Variants in PAK5 observed in about 807,000 individuals in gnomAD.
The protein encoded by PAK5 is p21 (RAC1) activated kinase 5.
Under a neutral mutation model 65.9 loss-of-function variants are expected in PAK5, and 16 were observed. The ratio of observed to expected loss-of-function variants is 0.24; its 90% CI spans 0.16 to 0.37. PAK5 has a LOEUF of 0.37. Ranked by LOEUF, PAK5 falls within the 10% of genes least tolerant of loss-of-function variation. PAK5 has a pLI of 1.00. For missense variants in PAK5, 785 were observed against 903.9 expected (o/e 0.87, Z 1.69); for synonymous variants, 371 against 354.9 (o/e 1.05, Z -0.51).
intron 6 of PAK5, among the ~76,000 whole-genome samples, chr20:9,559,994 C>T (rs185831895): frequency 1.5e-4 from 23 of 152,308 alleles, no homozygotes; most frequent in Middle Eastern, 3.4e-3. Flanking sequence ...CATATACCTT[C>T]AAATTAATTC....
intron 1 of PAK5, among the ~76,000 whole-genome samples, chr20:9,827,892 C>T (rs558934031): frequency 4.6e-5 from 7 of 152,256 alleles, no homozygotes; most frequent in Admixed American, 1.3e-4. Context: ...AGTGCAGTGG[C>T]GTGATCTCAG....
Position 9,580,572 on chromosome 20 carries a change from A to T in PAK5, c.563T>A (p.Leu188Ter). The T allele has an allele frequency of 6.2e-7, 1 of 1,614,172 alleles. No individual in the cohort carries two copies. The highest frequency in any genetic ancestry group is 8.5e-7 in the Non-Finnish European group (1 of 1,180,038). Reference sequence around the variant, plus strand: ...AGAAAATCTGGCAAAATCGGATTTCAAAGGCTTCACCTCAGAATAGTAGGC... The same window carrying T: ...AGAAAATCTGGCAAAATCGGATTTCTAAGGCTTCACCTCAGAATAGTAGGC... ...GEAYYSEVKPLKSDFARFSAD... is the reference protein window; with the variant it reads ...GEAYYSEVKP The change falls in exon 4 of 10, where the codon TTG becomes TAG. Residue 188 changes from leucine (L) to a stop codon, truncating the protein, a stop_gained. Coordinates refer to ENST00000353224, the MANE Select transcript of PAK5 (RefSeq NM_177990.4). LOFTEE classifies it high-confidence loss of function.
At chr20:9,571,861 TA>T (rs1244947347) in intron 4 of PAK5, among the ~76,000 whole-genome samples, 2 of 94,192 alleles carry the variant, frequency 2.1e-5, no homozygotes, top group African/African-American at 9.2e-5. Flanking sequence ...TTCACAGAGA[TA>T]GGCATGAATG....
intron 1 of PAK5, among the ~76,000 whole-genome samples, chr20:9,777,299 T>C (rs1479861803): frequency 6.6e-6 from 1 of 152,194 alleles, no homozygotes; most frequent in Non-Finnish European, 1.5e-5. Flanking sequence ...TCCTCTTGAA[T>C]TGTACTCCCA....
intron 7 of PAK5, among the ~76,000 whole-genome samples, chr20:9,554,853 G>T (rs1024627636): frequency 6.6e-6 from 1 of 152,130 alleles, no homozygotes; most frequent in African/African-American, 2.4e-5. Context: ...ATATGCTCTT[G>T]CTTCCTCTGC....
Position 9,580,707 on chromosome 20 carries a change from G to T in PAK5, c.428C>A (p.Thr143Asn). 1 of 1,613,950 alleles carries T rather than the reference G, an allele frequency of 6.2e-7. No individual in the cohort carries two copies. Among genetic ancestry groups the T allele is most frequent in the Non-Finnish European group, 8.5e-7 (1 of 1,179,982 alleles). ...SESDTTADYT[T>N]EKYREKSLYG... is the part of the protein sequence containing the mutation. ...GAGACTCTTCTCCCTGTACTTTTCGGTCGTGTAGTCAGCAGTAGTATCGGA... is the reference window on the plus strand; with the variant it reads ...GAGACTCTTCTCCCTGTACTTTTCGTTCGTGTAGTCAGCAGTAGTATCGGA... Residue 143 changes from threonine (T) to asparagine (N), a missense_variant, in exon 4 of 10, where the codon ACC becomes AAC. Physicochemically the swap from Thr to Asn is moderately conservative, Grantham distance 65. This residue lies in a region of PAK5 where 422 missense variants were observed against 413.3 expected (regional missense o/e 1.02). Transcript: ENST00000353224.
chr20:9,582,411 T>G (rs952507846), intron 3 of PAK5, among the ~76,000 whole-genome samples: 1 of 152,198 alleles, frequency 6.6e-6, no homozygotes, highest in East Asian at 1.9e-4. Context: ...GTTTTTCCCA[T>G]GTTTAAACAG....
In PAK5 at chr20:9,644,229, C is replaced by T. The variant is rs1359466621; in HGVS notation, c.100G>A (p.Gly34Ser). 7 of 1,607,874 alleles carry T rather than the reference C, an allele frequency of 4.4e-6. No homozygotes were observed. Among genetic ancestry groups the T allele is most frequent in the Admixed American group, 1.7e-5 (1 of 58,702 alleles). ...AGGCTGTGCCACTGCTGGGGAAGGC[C>T]GGTAAACTTCTGCTCTTGTGGATCA... is the stretch of plus-strand genomic sequence containing the variant. ...GFDPQEQKFT[G>S]LPQQWHSLLA... Residue 34 changes from glycine (G) to serine (S), a missense_variant, in exon 3 of 10, where the codon GGC (glycine) becomes AGC (serine). By Grantham distance (56) the Gly-to-Ser change is moderately conservative. Coordinates refer to ENST00000353224, the MANE Select transcript of PAK5 (RefSeq NM_177990.4).
chr20:9,763,441 T>C (rs2048722333), intron 1 of PAK5, among the ~76,000 whole-genome samples: 2 of 152,022 alleles, frequency 1.3e-5, no homozygotes, highest in Admixed American at 1.3e-4. Context: ...ATGTCAACCA[T>C]TCTGCAAAAA....
At chr20:9,750,639 GGATAACA>G (rs1179069370) in intron 1 of PAK5, among the ~76,000 whole-genome samples, 1 of 152,068 alleles carries the variant, frequency 6.6e-6, no homozygotes, top group East Asian at 1.9e-4. Flanking sequence ...TTTATTGAAA[GGATAACA>G]GATAGCTCAC....
intron 3 of PAK5, among the ~76,000 whole-genome samples, chr20:9,597,814 C>T (rs559268663): frequency 2.6e-4 from 39 of 152,310 alleles, no homozygotes; most frequent in African/African-American, 8.4e-4. Context: ...ACCAGTCTTT[C>T]CAGCTGAGGC....
Position 9,644,077 on chromosome 20 carries a change from T to C in PAK5, c.204+48A>G, listed in dbSNP as rs371109176. The C allele has an allele frequency of 1.0e-4, 144 of 1,433,734 alleles. 1 individual carries two copies. The highest frequency in any genetic ancestry group is 2.1e-5 in the Non-Finnish European group (21 of 1,016,102). 88.8% of individuals were successfully genotyped at this position (1,433,734 alleles called of 1,614,324 possible). A position where few individuals can be genotyped will look rare whatever the true frequency, so the allele number is the denominator to read the frequency against. On this transcript the variant is annotated intron_variant, in intron 3 of 9. Coordinates refer to ENST00000353224, the MANE Select transcript of PAK5 (RefSeq NM_177990.4). Reference sequence around the variant, plus strand: ...TATAAAGCTGATGCAGTGCATTAAATAAGAGCATGATTCTTAAGCCCAGCC... The same window carrying C: ...TATAAAGCTGATGCAGTGCATTAAACAAGAGCATGATTCTTAAGCCCAGCC...
intron 3 of PAK5, among the ~76,000 whole-genome samples, chr20:9,625,058 T>C (rs1043142795): frequency 6.6e-6 from 1 of 152,088 alleles, no homozygotes; most frequent in African/African-American, 2.4e-5. Flanking sequence ...TTACTACCAC[T>C]ACCACCACTG....
At chr20:9,664,867 A>T (rs556013998) in intron 2 of PAK5, among the ~76,000 whole-genome samples, 16 of 152,116 alleles carry the variant, frequency 1.1e-4, no homozygotes, top group African/African-American at 3.1e-4. Flanking sequence ...TATTTTACTA[A>T]AAAAAAGAAT....
chr20:9,714,395 A>G (rs1421779780), intron 1 of PAK5, among the ~76,000 whole-genome samples: 1 of 152,146 alleles, frequency 6.6e-6, no homozygotes, highest in African/African-American at 2.4e-5. Flanking sequence ...AAAGGTCCAT[A>G]CTTAGTTCCT....
At chr20:9,549,768 T>C (rs2045399022) in intron 7 of PAK5, among the ~76,000 whole-genome samples, 1 of 152,172 alleles carries the variant, frequency 6.6e-6, no homozygotes, top group African/African-American at 2.4e-5. Context: ...GTTCACATCA[T>C]ATTCTGTAAA....
At chr20:9,610,281 G>T (rs2046534269) in intron 3 of PAK5, among the ~76,000 whole-genome samples, 1 of 152,194 alleles carries the variant, frequency 6.6e-6, no homozygotes, top group African/African-American at 2.4e-5. Flanking sequence ...GAATTAGCTT[G>T]CATCCTCCAG....
intron 1 of PAK5, among the ~76,000 whole-genome samples, chr20:9,728,444 AC>A (rs1294915786): frequency 6.6e-6 from 1 of 152,166 alleles, no homozygotes; most frequent in Non-Finnish European, 1.5e-5. Context: ...ATGTGTACTA[AC>A]CCATGCATGT....
intron 1 of PAK5, among the ~76,000 whole-genome samples, chr20:9,742,671 C>G (rs929098031): frequency 6.6e-6 from 1 of 152,044 alleles, no homozygotes; most frequent in Non-Finnish European, 1.5e-5. Flanking sequence ...CAGGATGGAC[C>G]TAAAAAAAAT....
Sources: gnomAD v4.1 joint callset for allele counts (sites outside exome capture counted in the v4.1 genomes callset) on GRCh38, gnomAD v4.1.1 for gene constraint, gnomAD v4.1.1 regional missense constraint, MANE v1.5 for transcripts, NCBI Gene and HGNC (gene_info 2026-07-23, HGNC 2026-07-21) for gene names.